HAO1: variants seen among roughly 807,000 people sequenced by gnomAD.
HAO1 encodes 2-Hydroxyacid oxidase 1.
In HAO1, 34 loss-of-function variants were observed where a neutral mutation model predicts 39.7. The ratio of observed to expected loss-of-function variants is 0.86; its 90% confidence interval spans 0.65 to 1.14. The LOEUF is 1.14. HAO1 is among the 50% of genes most tolerant of loss of function. The pLI is 0.00. For missense variants in HAO1, 479 were observed against 464.5 expected (o/e 1.03, Z -0.29); for synonymous variants, 172 against 173.2 (o/e 0.99, Z 0.05).
At chr20:7,939,933 A>C (rs981703335) in intron 1 of HAO1, among the ~76,000 whole-genome samples, 1 of 152,246 alleles carries the variant, frequency 6.6e-6, no homozygotes, top group Non-Finnish European at 1.5e-5. Flanking sequence ...TCTGGCATTT[A>C]ATGCTGTTTC....
chr20:7,921,430 A>C (rs1415054978), intron 2 of HAO1, among the ~76,000 whole-genome samples: 1 of 152,116 alleles, frequency 6.6e-6, no homozygotes. Flanking sequence ...AGTCAGAATT[A>C]CTTTTGTTAA....
intron 4 of HAO1, among the ~76,000 whole-genome samples, chr20:7,902,943 G>T (rs185569803): frequency 1.2e-4 from 18 of 152,280 alleles, no homozygotes; most frequent in Middle Eastern, 3.4e-3. Flanking sequence ...CAGATGTTTG[G>T]TCTAGATCTT....
intron 1 of HAO1, among the ~76,000 whole-genome samples, chr20:7,939,969 T>C (rs2050433151): frequency 6.6e-6 from 1 of 152,240 alleles, no homozygotes; most frequent in South Asian, 2.1e-4. Flanking sequence ...AAGCATTTAC[T>C]GTCATACTAA....
rs748303742 is a variant in HAO1, at chr20:7,885,757, G to A, written c.921C>T (p.Gly307=). 33 of 1,613,432 alleles carry A rather than the reference G, an allele frequency of 2.0e-5. No individual in the cohort carries two copies. The highest frequency in any genetic ancestry group is 1.5e-4 in the Admixed American group (9 of 59,986). The change falls in exon 6 of 8, where the codon GGC becomes GGT. Residue 307 remains glycine (G), a synonymous_variant. Coordinates refer to ENST00000378789, the MANE Select transcript of HAO1 (RefSeq NM_017545.3). ...GTCTCCCCACAAACACAGCCTTGGC[G>A]CCAAGAGCCAGAGCTTTCAGAACAT... ...GTDVLKALAL[G]AKAVFVGRPI...
chr20:7,904,940 G>T (rs1291423648), intron 4 of HAO1, among the ~76,000 whole-genome samples: 1 of 152,092 alleles, frequency 6.6e-6, no homozygotes, highest in African/African-American at 2.4e-5. Flanking sequence ...TTATTTAAAG[G>T]TGTCTGTAAA....
In HAO1 at chr20:7,883,616, G is replaced by A. The variant is rs762959087; in HGVS notation, c.1090C>T (p.Pro364Ser). ...TGTCAGATCTTGGAAACGGCCAAAG[G>A]ATTTTTCCTCACCAATGTCTTGTCG... ...VIDKTLVRKN[P>S]LAVSKI Residue 364 changes from proline (P) to serine (S), a missense_variant, in exon 8 of 8, where the codon CCT becomes TCT. Transcript: ENST00000378789. 5 of 1,613,106 alleles carry A rather than the reference G, an allele frequency of 3.1e-6. No homozygotes were observed. The highest frequency in any genetic ancestry group is 4.2e-6 in the Non-Finnish European group (5 of 1,179,172).
chr20:7,886,182 GT>G (rs11480990), intron 5 of HAO1, among the ~76,000 whole-genome samples: 7 of 150,346 alleles, frequency 4.7e-5, no homozygotes, highest in Non-Finnish European at 8.9e-5. Flanking sequence ...TAACTTTTTT[GT>G]TTTTTTTTGA....
chr20:7,925,158 G>A (rs564692270), intron 2 of HAO1, among the ~76,000 whole-genome samples: 1 of 152,274 alleles, frequency 6.6e-6, no homozygotes, highest in Admixed American at 6.5e-5. Flanking sequence ...GAAAAATAAA[G>A]TTCTGAAGTC....
intron 2 of HAO1, among the ~76,000 whole-genome samples, chr20:7,914,775 A>G (rs910035313): frequency 6.6e-6 from 1 of 152,106 alleles, no homozygotes; most frequent in African/African-American, 2.4e-5. Flanking sequence ...GCCTTAGGGG[A>G]TTGGTTAAAT....
intron 1 of HAO1, among the ~76,000 whole-genome samples, chr20:7,937,575 AG>A (rs2050418743): frequency 6.6e-6 from 1 of 152,202 alleles, no homozygotes; most frequent in African/African-American, 2.4e-5. Context: ...GTAACGCAGC[AG>A]AAAAGAGTTT....
At chr20:7,911,740 T>TGC (rs1328297994) in intron 3 of HAO1, among the ~76,000 whole-genome samples, 1 of 152,228 alleles carries the variant, frequency 6.6e-6, no homozygotes, top group Non-Finnish European at 1.5e-5. Context: ...GAAGGAGCCA[T>TGC]GCTTTACAGG....
At chr20:7,909,984 T>A (rs2050270121) in intron 3 of HAO1, among the ~76,000 whole-genome samples, 1 of 152,188 alleles carries the variant, frequency 6.6e-6, no homozygotes, top group Non-Finnish European at 1.5e-5. Flanking sequence ...AGAAGAAGGT[T>A]CAGGGAATGA....
chr20:7,924,113 G>T (rs2050347741), intron 2 of HAO1, among the ~76,000 whole-genome samples: 1 of 152,026 alleles, frequency 6.6e-6, no homozygotes. Context: ...TTAAAGCCAA[G>T]GAATTAAACT....
intron 5 of HAO1, among the ~76,000 whole-genome samples, chr20:7,893,450 G>A (rs999579925): frequency 2.0e-5 from 3 of 152,156 alleles, no homozygotes; most frequent in African/African-American, 7.2e-5. Context: ...TAGAAATTAT[G>A]GTTTAGGAGT....
intron 1 of HAO1, among the ~76,000 whole-genome samples, chr20:7,938,538 G>A (rs750573696): frequency 6.6e-6 from 1 of 152,088 alleles, no homozygotes; most frequent in Admixed American, 6.6e-5. Flanking sequence ...ATTCACATAA[G>A]GCATGAGGCA....
rs1191145906 is a variant in HAO1, at chr20:7,924,667, C to A, written c.289+9817G>T. ...CAATTAAGTAACATGTTAATTTAGA[C>A]CCAAATAATTTCTTTGAAAATAATT... On this transcript the variant is annotated intron_variant, in intron 2 of 7. Transcript: ENST00000378789. 2.0e-5 allele frequency among the ~76,000 whole-genome samples: 3 copies of A among 151,988 alleles called. No homozygotes were observed. In the East Asian group the frequency reaches 5.8e-4, roughly 29 times the overall value.
At chr20:7,885,621 A>G in intron 6 of HAO1, 31 bp from the exon 7 acceptor site, 1 of 1,570,812 alleles carries the variant, frequency 6.4e-7, no homozygotes, top group Non-Finnish European at 8.8e-7. Context: ...AGAGTGATTC[A>G]GAACTAAATC....
chr20:7,890,745 T>C (rs1467371071), intron 5 of HAO1, among the ~76,000 whole-genome samples: 2 of 152,162 alleles, frequency 1.3e-5, no homozygotes, highest in African/African-American at 4.8e-5. Flanking sequence ...ATCATTCTTA[T>C]GCCTTTGCAA....
At position 7,930,676 on chromosome 20, in the gene HAO1, T is replaced by C. The variant is rs577140187; in HGVS notation, c.289+3808A>G. ...GGGACTCAATCCTTCCAAGGAACAC[T>C]GGGTGACCATATTAGAAAATGCTTC... On this transcript the variant is annotated intron_variant, in intron 2 of 7. Transcript: ENST00000378789. 1.8e-3 allele frequency among the ~76,000 whole-genome samples: 281 copies of C among 152,292 alleles called. 2 individuals carry two copies. The highest frequency in any genetic ancestry group is 6.4e-3 in the African/African-American group (267 of 41,556).
Sources: gnomAD v4.1 joint callset for allele counts (sites outside exome capture counted in the v4.1 genomes callset) on GRCh38, gnomAD v4.1.1 for gene constraint, MANE v1.5 for transcripts, NCBI Gene and HGNC (gene_info 2026-07-23, HGNC 2026-07-21) for gene names.